The following FCHSD2 variants were observed in gnomAD, a reference collection of about 807,000 sequenced individuals.
The protein encoded by FCHSD2 is FCH and double SH3 domains 2, also known as F-BAR and double SH3 domains protein 2.
FCHSD2 carries 38 observed loss-of-function variants against 108.1 expected under a neutral mutation model. The ratio of observed to expected loss-of-function variants is 0.35; its 90% CI spans 0.27 to 0.46. FCHSD2 has a LOEUF of 0.46. Ranked by LOEUF, FCHSD2 falls within the 20% of genes least tolerant of loss-of-function variation. FCHSD2 has a pLI of 1.00. For missense variants in FCHSD2, 751 were observed against 897.8 expected (o/e 0.84, Z 2.09); for synonymous variants, 279 against 314.7 (o/e 0.89, Z 1.20).
At chr11:73,100,219 G>C (rs2135532003) in intron 2 of FCHSD2, among the ~76,000 whole-genome samples, 1 of 152,170 alleles carries the variant, frequency 6.6e-6, no homozygotes, top group East Asian at 1.9e-4. Context: ...ATGTACCAAG[G>C]ACCATTCCTC....
rs61511109 is a variant in FCHSD2 at position 73,051,868 on chromosome 11, AACACACACACACACACACACACAC to A, written c.165+31803_165+31826del. 1.5e-4 allele frequency among the ~76,000 whole-genome samples: 21 copies of A among 141,814 alleles called. 1 individual carries two copies. The East Asian group carries it at 2.5e-3, about 17-fold the overall frequency. 93.0% of individuals were successfully genotyped at this position (141,814 alleles called of 152,430 possible). ...CTTCAGGATGCTAACACGGTATATAAACACACACACACACACACACACACACACACACACACACACACACACACC... is the reference window on the plus strand; with the variant it reads ...CTTCAGGATGCTAACACGGTATATAAACACACACACACACACACACACACC... On this transcript the variant is annotated intron_variant, in intron 3 of 19. Transcript: ENST00000409418.
At chr11:72,870,243 T>G (rs1455713288) in intron 12 of FCHSD2, among the ~76,000 whole-genome samples, 1 of 152,186 alleles carries the variant, frequency 6.6e-6, no homozygotes, top group African/African-American at 2.4e-5. Flanking sequence ...CCTAAAGCAC[T>G]CTATATAGAT....
At chr11:72,846,128 C>A (rs1002106909) in intron 14 of FCHSD2, among the ~76,000 whole-genome samples, 1 of 150,678 alleles carries the variant, frequency 6.6e-6, no homozygotes, top group Non-Finnish European at 1.5e-5. Context: ...TGAGACTGAG[C>A]GCATATGTTT....
At chr11:72,949,750 C>G (rs2135355025) in intron 8 of FCHSD2, among the ~76,000 whole-genome samples, 1 of 152,292 alleles carries the variant, frequency 6.6e-6, no homozygotes, top group African/African-American at 2.4e-5. Context: ...TATGGGTTTA[C>G]CACATCTTGT....
At chr11:73,086,187 T>C (rs1037556814) in intron 2 of FCHSD2, among the ~76,000 whole-genome samples, 4 of 152,150 alleles carry the variant, frequency 2.6e-5, no homozygotes, top group Non-Finnish European at 4.4e-5. Context: ...GGTGGGTGGA[T>C]CACTTGAGGC....
intron 14 of FCHSD2, among the ~76,000 whole-genome samples, chr11:72,847,568 A>AG (rs1477902854): frequency 1.3e-5 from 2 of 152,210 alleles, no homozygotes; most frequent in African/African-American, 4.8e-5. Context: ...TACATTATAA[A>AG]GCAGTACTAT....
intron 8 of FCHSD2, among the ~76,000 whole-genome samples, chr11:72,923,861 C>T (rs1856022421): frequency 6.6e-6 from 1 of 152,104 alleles, no homozygotes; most frequent in Non-Finnish European, 1.5e-5. Context: ...ACTGCTTGTA[C>T]CCAGGAGGTG....
At chr11:72,862,630 A>G (rs1854625097) in intron 13 of FCHSD2, among the ~76,000 whole-genome samples, 1 of 152,246 alleles carries the variant, frequency 6.6e-6, no homozygotes, top group African/African-American at 2.4e-5. Flanking sequence ...GGAAAACTGA[A>G]TATTGTTAAC....
intron 8 of FCHSD2, chr11:72,940,370 C>A: frequency 2.2e-6 from 1 of 451,096 alleles, no homozygotes. Flanking sequence ...TTCTAAAATG[C>A]AGTTACCAAA....
At position 72,932,174 on chromosome 11, in the gene FCHSD2, CTTCT is replaced by C. The variant is rs578088788; in HGVS notation, c.706-10228_706-10225del. On this transcript the variant is annotated intron_variant, in intron 8 of 19. Coordinates refer to ENST00000409418, the MANE Select transcript of FCHSD2 (RefSeq NM_014824.3). The stretch of plus-strand genomic sequence containing the variant: ...TAATTACCAAATCTTATTGATTCCA[CTTCT>C]TAAATATTTACCAAACCCAACCCCT... 3.5e-3 allele frequency among the ~76,000 whole-genome samples: 530 copies of C among 152,294 alleles called. 5 individuals carry two copies. Among genetic ancestry groups the C allele is most frequent in the Non-Finnish European group, 4.0e-3 (273 of 68,032 alleles).
intron 8 of FCHSD2, among the ~76,000 whole-genome samples, chr11:72,961,527 A>G (rs1010828051): frequency 3.7e-4 from 57 of 152,144 alleles, no homozygotes; most frequent in African/African-American, 1.3e-3. Context: ...AAGTGCTATG[A>G]TTACAGGCGT....
At chr11:72,964,592 C>G (rs1039726332) in intron 8 of FCHSD2, among the ~76,000 whole-genome samples, 7 of 152,156 alleles carry the variant, frequency 4.6e-5, no homozygotes, top group Non-Finnish European at 1.0e-4. Flanking sequence ...AGTAAGCACT[C>G]TCTTCATGTT....
At chr11:73,061,678 A>G (rs1859168134) in intron 3 of FCHSD2, among the ~76,000 whole-genome samples, 1 of 152,202 alleles carries the variant, frequency 6.6e-6, no homozygotes, top group Admixed American at 6.5e-5. Context: ...TTATGCTCAC[A>G]GTATAAACAA....
chr11:73,087,880 T>C (rs1396704821), intron 2 of FCHSD2, among the ~76,000 whole-genome samples: 1 of 152,188 alleles, frequency 6.6e-6, no homozygotes, highest in African/African-American at 2.4e-5. Flanking sequence ...GCAAGTGCCC[T>C]ACACAGTAAT....
At chr11:73,070,231 T>A (rs890616514) in intron 3 of FCHSD2, among the ~76,000 whole-genome samples, 1 of 152,184 alleles carries the variant, frequency 6.6e-6, no homozygotes, top group Non-Finnish European at 1.5e-5. Flanking sequence ...GTCTATTTCA[T>A]AAGGCTATTT....
chr11:72,890,895 A>T (rs145823087), intron 10 of FCHSD2, among the ~76,000 whole-genome samples: 2 of 152,006 alleles, frequency 1.3e-5, no homozygotes, highest in Non-Finnish European at 2.9e-5. Flanking sequence ...ATAATTAGGA[A>T]TTTTTTTTAA....
At chr11:73,105,131 G>C (rs910460635) in intron 2 of FCHSD2, among the ~76,000 whole-genome samples, 2 of 152,162 alleles carry the variant, frequency 1.3e-5, no homozygotes, top group African/African-American at 4.8e-5. Context: ...AATGAGGAAA[G>C]TACAAATCAG....
At chr11:73,110,747 G>A (rs1253511030) in intron 2 of FCHSD2, among the ~76,000 whole-genome samples, 3 of 151,954 alleles carry the variant, frequency 2.0e-5, no homozygotes, top group Admixed American at 6.6e-5. Context: ...GCTGCATAAG[G>A]TACATCATTA....
chr11:72,947,133 T>C (rs1856536015), intron 8 of FCHSD2, among the ~76,000 whole-genome samples: 1 of 152,234 alleles, frequency 6.6e-6, no homozygotes, highest in Admixed American at 6.5e-5. Flanking sequence ...CCAACATCTC[T>C]TAACAACAAT....
Sources: allele counts gnomAD v4.1 joint callset (sites outside exome capture counted in the v4.1 genomes callset), GRCh38; gene constraint gnomAD v4.1.1; transcripts MANE v1.5; gene names NCBI Gene and HGNC (gene_info 2026-07-23, HGNC 2026-07-21).